SOD2: variants seen among roughly 807,000 people sequenced by gnomAD.
SOD2 encodes superoxide dismutase 2.
A neutral mutation model predicts 27.0 loss-of-function variants in SOD2; 11 were observed. The ratio of observed to expected loss-of-function variants is 0.41; its 90% CI spans 0.26 to 0.67. The LOEUF is 0.67. Among genes scored for constraint, SOD2 ranks in the 30% least tolerant of loss-of-function variants. The probability of loss-of-function intolerance (pLI) is 0.34; values close to 1 mark genes in which losing one functional copy is unlikely to be tolerated. For synonymous variants in SOD2, 105 were observed against 103.0 expected (o/e 1.02, Z -0.12); for missense variants, 250 against 274.5 (o/e 0.91, Z 0.63).
At chr6:159,734,722 A>C (rs542242456) in intron 1 of SOD2, among the ~76,000 whole-genome samples, 1 of 152,350 alleles carries the variant, frequency 6.6e-6, no homozygotes, top group African/African-American at 2.4e-5. Flanking sequence ...GAATATGCCA[A>C]ATGCAATTTA....
intron 1 of SOD2, chr6:159,736,828 A>C (rs1778949309): frequency 6.6e-6 from 1 of 152,258 alleles, no homozygotes; most frequent in African/African-American, 2.4e-5. Context: ...TCTTACATAC[A>C]CACACATACA....
intron 1 of SOD2, among the ~76,000 whole-genome samples, chr6:159,733,088 A>G (rs541120956): frequency 2.7e-4 from 41 of 152,254 alleles, no homozygotes; most frequent in African/African-American, 9.1e-4. Flanking sequence ...AATGACTGCC[A>G]CCAGGTTAAG....
intron 1 of SOD2, chr6:159,713,064 T>A: frequency 1.5e-6 from 1 of 663,774 alleles, no homozygotes; most frequent in Non-Finnish European, 2.7e-6. Context: ...TCTCATGAGG[T>A]TAAGAGGTGA....
At chr6:159,682,659 ACAAAC>A (rs1780014128) in intron 4 of SOD2, 21 bp from the exon 5 acceptor site, 1 of 1,596,970 alleles carries the variant, frequency 6.3e-7, no homozygotes, top group Non-Finnish European at 8.5e-7. Context: ...GAAGGGGAAA[ACAAAC>A]CAACCATCAG....
intron 2 of SOD2, chr6:159,692,460 G>A (rs1777255229): frequency 1.4e-6 from 2 of 1,421,100 alleles, no homozygotes; most frequent in African/African-American, 1.5e-5. Context: ...TGACAGAAGT[G>A]TGTTCAAACC....
chr6:159,699,839 C>G (rs1289547287), intron 1 of SOD2, among the ~76,000 whole-genome samples: 1 of 152,094 alleles, frequency 6.6e-6, no homozygotes, highest in Admixed American at 6.5e-5. Flanking sequence ...TCGGAGCAGC[C>G]AAAATAGGTA....
At chr6:159,727,373 C>CGGGCAGG, upstream of SOD2, 1 of 623,036 alleles carries the variant, frequency 1.6e-6, no homozygotes, top group Non-Finnish European at 2.1e-6. Context: ...AGCGGGGAGG[C>CGGGCAGG]TGGCGGGAGG....
At chr6:159,715,213 G>GAC (rs1212203739) in intron 1 of SOD2, among the ~76,000 whole-genome samples, 1 of 151,490 alleles carries the variant, frequency 6.6e-6, no homozygotes, top group Non-Finnish European at 1.5e-5. Flanking sequence ...ACTGTTAGTC[G>GAC]ACAAGAAAAG....
At chr6:159,714,274 T>C (rs550873525) in intron 1 of SOD2, among the ~76,000 whole-genome samples, 2 of 152,256 alleles carry the variant, frequency 1.3e-5, no homozygotes, top group South Asian at 2.1e-4. Context: ...TCTCTGCCTA[T>C]ACCTTTTCCT....
At chr6:159,721,805 G>A (rs952478010) in intron 1 of SOD2, among the ~76,000 whole-genome samples, 1 of 150,040 alleles carries the variant, frequency 6.7e-6, no homozygotes, top group Non-Finnish European at 1.5e-5. Context: ...GATTACAGGC[G>A]TAAGCCACCA....
chr6:159,688,309 A>G, intron 2 of SOD2, 67 bp from the exon 3 acceptor site: 1 of 943,286 alleles, frequency 1.1e-6, no homozygotes, highest in Non-Finnish European at 1.7e-6. Flanking sequence ...TATACATTAT[A>G]TTTTTTTCTT....
intron 2 of SOD2, among the ~76,000 whole-genome samples, chr6:159,690,200 T>C (rs942851544): frequency 6.6e-6 from 1 of 150,552 alleles, no homozygotes. Flanking sequence ...GGCAGGAGAA[T>C]TGCTTGAACC....
intron 1 of SOD2, chr6:159,743,618 G>T: frequency 6.5e-7 from 1 of 1,540,338 alleles, no homozygotes; most frequent in South Asian, 1.3e-5. Flanking sequence ...GAGGTATTTA[G>T]AACTTGATCT....
At chr6:159,699,426 G>A (rs1777486673) in intron 1 of SOD2, among the ~76,000 whole-genome samples, 1 of 152,138 alleles carries the variant, frequency 6.6e-6, no homozygotes, top group South Asian at 2.1e-4. Flanking sequence ...GACCCAGGAG[G>A]CCAAAAGAGA....
exon 1 of SOD2, chr6:159,761,934 C>A: frequency 1.1e-6 from 1 of 925,684 alleles, no homozygotes; most frequent in Non-Finnish European, 1.7e-6. Flanking sequence ...TGCGCCTGCG[C>A]ACAGTGGGAT....
At chr6:159,693,015 G>T in intron 1 of SOD2, 130 bp downstream of exon 1, 1 of 1,409,226 alleles carries the variant, frequency 7.1e-7, no homozygotes, top group South Asian at 1.4e-5. Flanking sequence ...GGGCACTCCC[G>T]GGAGAACCGC....
upstream of SOD2, among the ~76,000 whole-genome samples, chr6:159,748,005 A>G (rs1298146814): frequency 6.6e-6 from 1 of 152,216 alleles, no homozygotes; most frequent in African/African-American, 2.4e-5. The surrounding 1 kb of genome is among the most constrained non-coding windows in gnomAD (Gnocchi z 5.6). Context: ...TAGCATATTC[A>G]TCAAATAGTT....
At chr6:159,707,526 A>G (rs991205970) in intron 1 of SOD2, among the ~76,000 whole-genome samples, 1 of 152,258 alleles carries the variant, frequency 6.6e-6, no homozygotes, top group Non-Finnish European at 1.5e-5. Flanking sequence ...GAAGAAATGG[A>G]TAAGTTCCAG....
chr6:159,699,295 G>C (rs1406760601), intron 1 of SOD2, among the ~76,000 whole-genome samples: 1 of 152,090 alleles, frequency 6.6e-6, no homozygotes, highest in African/African-American at 2.4e-5. Flanking sequence ...TGGTCCATCT[G>C]CCCCTTAGAT....
Sources: gnomAD v4.1 joint callset for allele counts (sites outside exome capture counted in the v4.1 genomes callset) on GRCh38, gnomAD v4.1.1 for gene constraint, Gnocchi (gnomAD v3.1) non-coding constraint, MANE v1.5 for transcripts, NCBI Gene and HGNC (gene_info 2026-07-23, HGNC 2026-07-21) for gene names.